PDXDC1: variants seen among roughly 807,000 people sequenced by gnomAD.
PDXDC1 encodes pyridoxal-dependent decarboxylase domain-containing protein 1.
A neutral mutation model predicts 100.1 loss-of-function variants in PDXDC1; 42 were observed. The ratio of observed to expected loss-of-function variants is 0.42; its 90% CI spans 0.33 to 0.54. The LOEUF (loss-of-function observed/expected upper bound fraction) is 0.54, where lower values mean the gene tolerates loss of function less well. Among genes scored for constraint, PDXDC1 ranks in the 20% least tolerant of loss-of-function variants. The pLI is 0.10. For synonymous variants in PDXDC1, 260 were observed against 371.7 expected (o/e 0.70, Z 3.46); for missense variants, 636 against 979.2 (o/e 0.65, Z 4.68).
intron 16 of PDXDC1, among the ~76,000 whole-genome samples, chr16:15,065,802 T>C (rs182310563): frequency 2.6e-5 from 4 of 152,110 alleles, no homozygotes; most frequent in East Asian, 1.9e-4. Context: ...CAGGAGGAAA[T>C]AGTGGTTGGT....
At chr16:15,032,254 A>C (rs2043111472) in intron 17 of PDXDC1, 2 of 272,604 alleles carry the variant, frequency 7.3e-6, no homozygotes, top group Non-Finnish European at 1.4e-5. Context: ...GCTCTCGGGG[A>C]GAGAACTGGG....
At chr16:15,128,269 G>C in intron 16 of PDXDC1, 3 of 1,610,866 alleles carry the variant, frequency 1.9e-6, no homozygotes, top group Non-Finnish European at 2.5e-6. Flanking sequence ...CAGGCTGTGC[G>C]GGGTGGCGAT....
chr16:15,059,968 C>G (rs1193049951), intron 16 of PDXDC1: 1 of 183,372 alleles, frequency 5.5e-6, no homozygotes, highest in Non-Finnish European at 1.1e-5. Context: ...CAGGAGTTTT[C>G]CACTGCAAAA....
chr16:15,038,716 T>G, downstream of PDXDC1: 1 of 1,268,252 alleles, frequency 7.9e-7, no homozygotes, highest in South Asian at 1.2e-5. Context: ...AGGATAGAAT[T>G]TCAGGAATGT....
chr16:15,019,531 C>A (rs896226493), intron 12 of PDXDC1, among the ~76,000 whole-genome samples: 1 of 152,294 alleles, frequency 6.6e-6, no homozygotes, highest in Non-Finnish European at 1.5e-5. Flanking sequence ...AATTTATAAA[C>A]AACAGACATT....
chr16:14,991,267 A>ATGTGTGTGTG (rs10642182), intron 1 of PDXDC1, among the ~76,000 whole-genome samples: 579 of 149,780 alleles, frequency 3.9e-3, no homozygotes, highest in East Asian at 5.2e-3. Context: ...GTATATAGAT[A>ATGTGTGTGTG]TGTGTGTGTG....
rs1417077165 is a variant in PDXDC1, at chr16:15,008,776, C to A, written c.580-3C>A. The A allele has an allele frequency of 6.2e-7, 1 of 1,613,758 alleles. No individual in the cohort carries two copies. The highest frequency in any genetic ancestry group is 2.2e-5 in the East Asian group (1 of 44,856). ...TTGTCAAGTCATATGTTTCTTCCTG[C>A]AGCTCGGCTTGCCCTTCCCCTGCTT... is the stretch of plus-strand genomic sequence containing the variant. On this transcript the variant is annotated splice_region_variant and splice_polypyrimidine_tract_variant and intron_variant, in intron 6 of 22. Coordinates refer to ENST00000396410, the MANE Select transcript of PDXDC1 (RefSeq NM_015027.4).
chr16:15,078,813 T>C (rs1232464508), intron 16 of PDXDC1, among the ~76,000 whole-genome samples: 3 of 22,406 alleles, frequency 1.3e-4, no homozygotes, highest in Non-Finnish European at 6.5e-4. Flanking sequence ...TATTTTTTTC[T>C]TTTTTTTTTT....
At chr16:15,047,578 G>A (rs1323549806) in intron 16 of PDXDC1, 1 of 1,503,458 alleles carries the variant, frequency 6.7e-7, no homozygotes, top group East Asian at 2.3e-5. Flanking sequence ...AAGGACTCAA[G>A]TTATTCCCTG....
chr16:14,986,845 C>T (rs57086298), intron 1 of PDXDC1, among the ~76,000 whole-genome samples: 36,892 of 146,378 alleles, frequency 0.25, 2,024 homozygotes, highest in East Asian at 0.45. Context: ...CTCCCAGGTT[C>T]GAGTGATTCT....
chr16:15,054,125 T>C (rs1463051893), intron 16 of PDXDC1, among the ~76,000 whole-genome samples: 2 of 152,206 alleles, frequency 1.3e-5, no homozygotes, highest in African/African-American at 2.4e-5. Flanking sequence ...CTTCCCCTCC[T>C]GCCCGCCGCG....
chr16:15,092,350 T>C (rs2151828883), intron 16 of PDXDC1, among the ~76,000 whole-genome samples: 1 of 152,288 alleles, frequency 6.6e-6, no homozygotes, highest in East Asian at 1.9e-4. Context: ...AAGGACACTA[T>C]TACTCTAATT....
chr16:15,068,422 G>A, intron 16 of PDXDC1: 1 of 1,023,050 alleles, frequency 9.8e-7, no homozygotes, highest in South Asian at 1.9e-5. Context: ...GGTCCATGCA[G>A]ATAGTCACAC....
downstream of PDXDC1, chr16:15,041,121 T>A: frequency 6.5e-7 from 1 of 1,537,780 alleles, no homozygotes; most frequent in Non-Finnish European, 9.0e-7. Flanking sequence ...GTCATTTAAT[T>A]CTACAAAATA....
intron 16 of PDXDC1, chr16:15,132,759 C>G: frequency 8.6e-7 from 1 of 1,157,164 alleles, no homozygotes; most frequent in Non-Finnish European, 1.3e-6. Context: ...TGCTGGATGT[C>G]ATCCACAGTG....
At chr16:15,015,188 G>T (rs1331184540) in intron 8 of PDXDC1, among the ~76,000 whole-genome samples, 1 of 152,238 alleles carries the variant, frequency 6.6e-6, no homozygotes, top group Non-Finnish European at 1.5e-5. Context: ...TGATCCACCC[G>T]CCTGGGCCTC....
intron 16 of PDXDC1, chr16:15,130,593 G>C: frequency 3.0e-6 from 4 of 1,352,824 alleles, no homozygotes; most frequent in Non-Finnish European, 3.2e-6. Flanking sequence ...GCTGACCCAT[G>C]ATGCCCTGCC....
intron 13 of PDXDC1, among the ~76,000 whole-genome samples, chr16:15,023,015 T>C (rs2042323792): frequency 6.6e-6 from 1 of 152,302 alleles, no homozygotes; most frequent in African/African-American, 2.4e-5. Flanking sequence ...CTTCATTTAT[T>C]GTGTTAAAGT....
In PDXDC1 at chr16:15,110,603, T is replaced by G. The variant is rs200017599; in HGVS notation, c.1400-28276T>G. The G allele has an allele frequency of 7.0e-6, 11 of 1,577,748 alleles. 1 individual carries two copies. The South Asian group carries it at 7.8e-5, about 11-fold the overall frequency. Reference sequence around the variant, plus strand: ...TTTCTTTGTGTGCATACAAATGGACTTCAGCCCTTGGTGAGAGTGAGGAGA... The same window carrying G: ...TTTCTTTGTGTGCATACAAATGGACGTCAGCCCTTGGTGAGAGTGAGGAGA... On this transcript the variant is annotated intron_variant, in intron 16 of 16. Coordinates refer to the PDXDC1 transcript ENST00000535621.
Sources: gnomAD v4.1 joint callset for allele counts (sites outside exome capture counted in the v4.1 genomes callset) on GRCh38, gnomAD v4.1.1 for gene constraint, MANE v1.5 for transcripts, NCBI Gene and HGNC (gene_info 2026-07-23, HGNC 2026-07-21) for gene names.